UBE3D: variants seen among roughly 807,000 people sequenced by gnomAD.
The protein encoded by UBE3D is E3 ubiquitin-protein ligase E3D.
A neutral mutation model predicts 49.6 loss-of-function variants in UBE3D; 48 were observed. The observed-to-expected ratio is 0.97, with a 90% CI of 0.77 to 1.23. The LOEUF (loss-of-function observed/expected upper bound fraction) is 1.23. Ranked by LOEUF, UBE3D falls within the 50% of genes most tolerant of loss-of-function variation. The pLI, the probability that UBE3D is intolerant of heterozygous loss-of-function variation, is 0.00. For synonymous variants in UBE3D, 189 were observed against 174.2 expected (o/e 1.08, Z -0.67); for missense variants, 452 against 468.4 (o/e 0.96, Z 0.32).
At chr6:83,063,822 G>A (rs1455797160) in intron 1 of UBE3D, among the ~76,000 whole-genome samples, 3 of 152,072 alleles carry the variant, frequency 2.0e-5, no homozygotes, top group Non-Finnish European at 4.4e-5. Context: ...AGAACTGTTT[G>A]GCAATTTCTC....
chr6:82,902,521 G>T (rs1771812305), intron 9 of UBE3D, among the ~76,000 whole-genome samples: 2 of 152,056 alleles, frequency 1.3e-5, no homozygotes, highest in South Asian at 4.2e-4. Context: ...ATCTCAAAAG[G>T]TTACATACTG....
chr6:83,008,733 T>A (rs1298357588), intron 8 of UBE3D, among the ~76,000 whole-genome samples: 1 of 152,176 alleles, frequency 6.6e-6, no homozygotes, highest in Non-Finnish European at 1.5e-5. Flanking sequence ...CACCACCCCA[T>A]GTGCCAAAAA....
At chr6:82,996,460 C>T (rs572713946) in intron 8 of UBE3D, among the ~76,000 whole-genome samples, 27 of 152,088 alleles carry the variant, frequency 1.8e-4, no homozygotes, top group African/African-American at 6.5e-4. Context: ...ATCTTCTTGC[C>T]TAAAAATTCC....
intron 3 of UBE3D, among the ~76,000 whole-genome samples, chr6:83,052,570 A>C (rs1398064814): frequency 6.6e-6 from 1 of 152,166 alleles, no homozygotes. Flanking sequence ...CCCAGGGTGA[A>C]AAAATATCAT....
intron 8 of UBE3D, among the ~76,000 whole-genome samples, chr6:82,995,508 A>ACACACACG (rs1779180083): frequency 6.7e-6 from 1 of 149,704 alleles, no homozygotes; most frequent in African/African-American, 2.5e-5. Flanking sequence ...ACACACACAC[A>ACACACACG]CACACACAGT....
rs181302850 is a variant in UBE3D, at chr6:82,947,753, T to C, written c.1149+9559A>G. Among the ~76,000 whole-genome samples the C allele has an allele frequency of 1.4e-4, 21 of 152,172 alleles. No homozygotes were observed. The East Asian group carries it at 3.5e-3, about 25-fold the overall frequency. On this transcript the variant is annotated intron_variant, in intron 9 of 9. Coordinates refer to ENST00000369747, the MANE Select transcript of UBE3D (RefSeq NM_198920.3). ...TACGAATACATGGAAATTAACAATA[T>C]GCTCCTGAAGGACCAGTGGGTCAAT... is the stretch of plus-strand genomic sequence containing the variant.
At chr6:82,881,817 T>C in the UBE3D span, among the ~76,000 whole-genome samples, 1 of 152,218 alleles carries the variant, frequency 6.6e-6, no homozygotes, top group East Asian at 1.9e-4. Context: ...ATTGGATTTC[T>C]CTAAGCCTCA....
At chr6:83,045,026 T>C (rs754304344) in intron 3 of UBE3D, among the ~76,000 whole-genome samples, 2 of 152,208 alleles carry the variant, frequency 1.3e-5, no homozygotes, top group African/African-American at 4.8e-5. Context: ...TAGTCCACAA[T>C]ATTCTATTCC....
intron 8 of UBE3D, among the ~76,000 whole-genome samples, chr6:82,977,569 A>G (rs1383308524): frequency 2.0e-5 from 3 of 152,088 alleles, no homozygotes; most frequent in African/African-American, 7.2e-5. Context: ...TCACAAATGT[A>G]CTGCATTACA....
intron 9 of UBE3D, among the ~76,000 whole-genome samples, chr6:82,911,095 C>A (rs1010415919): frequency 1.4e-4 from 20 of 147,444 alleles, no homozygotes; most frequent in Non-Finnish European, 2.5e-4. Flanking sequence ...CCACCTACAC[C>A]AAGACACTTG....
At chr6:82,952,173 A>C (rs190663523) in intron 9 of UBE3D, among the ~76,000 whole-genome samples, 72 of 152,260 alleles carry the variant, frequency 4.7e-4, no homozygotes, top group Middle Eastern at 3.4e-3. Context: ...TTTAGTGGTT[A>C]AGAATAGGGG....
At chr6:82,889,320 A>C (rs908918441), downstream of UBE3D, among the ~76,000 whole-genome samples, 2 of 152,240 alleles carry the variant, frequency 1.3e-5, no homozygotes, top group African/African-American at 4.8e-5. Context: ...CACTGTCAGC[A>C]CTTTTTACAA....
At chr6:82,970,162 A>C (rs1259475887) in intron 8 of UBE3D, among the ~76,000 whole-genome samples, 1 of 149,696 alleles carries the variant, frequency 6.7e-6, no homozygotes, top group East Asian at 1.9e-4. Context: ...AGGACAGAAA[A>C]ATTGATTATT....
At chr6:83,062,625 T>A (rs1784240120) in intron 1 of UBE3D, among the ~76,000 whole-genome samples, 1 of 152,198 alleles carries the variant, frequency 6.6e-6, no homozygotes, top group African/African-American at 2.4e-5. Flanking sequence ...ACACAGATCA[T>A]CAGAACAGAT....
At chr6:82,925,287 CTACTGAA>C (rs991449046) in intron 9 of UBE3D, among the ~76,000 whole-genome samples, 16 of 152,264 alleles carry the variant, frequency 1.1e-4, no homozygotes, top group African/African-American at 3.8e-4. Context: ...ATGAAGCCAT[CTACTGAA>C]ACAAAAATGT....
chr6:82,884,424 C>G, the UBE3D span, among the ~76,000 whole-genome samples: 7 of 152,148 alleles, frequency 4.6e-5, no homozygotes, highest in East Asian at 1.4e-3. Context: ...TACGGGCACT[C>G]CAGAAGGCAC....
At chr6:82,972,877 T>G (rs1274492429) in intron 8 of UBE3D, among the ~76,000 whole-genome samples, 1 of 152,198 alleles carries the variant, frequency 6.6e-6, no homozygotes, top group Non-Finnish European at 1.5e-5. Context: ...AACTGTTCTC[T>G]TAAATGAGCT....
At chr6:82,989,707 T>C (rs1778755771) in intron 8 of UBE3D, among the ~76,000 whole-genome samples, 3 of 152,198 alleles carry the variant, frequency 2.0e-5, no homozygotes, top group Non-Finnish European at 4.4e-5. Context: ...AAGGACACTT[T>C]GAAAGGGAAC....
chr6:82,922,616 G>C (rs1313380003), intron 9 of UBE3D, among the ~76,000 whole-genome samples: 2 of 151,484 alleles, frequency 1.3e-5, no homozygotes, highest in African/African-American at 4.9e-5. Flanking sequence ...TAAGACCTAG[G>C]ACCATAAAAA....
Sources: allele counts gnomAD v4.1 joint callset (sites outside exome capture counted in the v4.1 genomes callset), GRCh38; gene constraint gnomAD v4.1.1; transcripts MANE v1.5; gene names NCBI Gene and HGNC (gene_info 2026-07-23, HGNC 2026-07-21).